UCK2: variants seen among roughly 807,000 people sequenced by gnomAD.
The protein encoded by UCK2 is cytidine monophosphokinase 2.
A neutral mutation model predicts 30.8 loss-of-function variants in UCK2; 6 were observed. The observed-to-expected ratio is 0.19, with a 90% CI of 0.11 to 0.38. The LOEUF (loss-of-function observed/expected upper bound fraction) is 0.38, where lower values mean the gene tolerates loss of function less well. Among genes scored for constraint, UCK2 ranks in the 10% least tolerant of loss-of-function variants. The pLI, the probability that UCK2 is intolerant of heterozygous loss-of-function variation, is 1.00. For missense variants in UCK2, 210 were observed against 339.8 expected (o/e 0.62, Z 3.00); for synonymous variants, 125 against 133.6 (o/e 0.94, Z 0.45).
intron 1 of UCK2, among the ~76,000 whole-genome samples, chr1:165,865,000 TACACACACACACATGC>T (rs1345627477): frequency 6.6e-6 from 1 of 152,014 alleles, no homozygotes; most frequent in African/African-American, 2.4e-5. Context: ...ATTGAGATTT[TACACACACACACATGC>T]ACACACACAC....
In UCK2 at chr1:165,908,927, A is replaced by AGTGAG. The variant is rs1647763935; in HGVS notation, c.*1111_*1115dup. The AGTGAG allele has an allele frequency of 2.0e-5, 3 of 152,398 alleles. No individual in the cohort carries two copies. In the South Asian group the frequency reaches 6.2e-4, roughly 32 times the overall value. The allele number at this position is 152,398 out of a possible 1,614,324, so 9.4% of individuals were successfully genotyped here. On this transcript the variant is annotated 3_prime_UTR_variant, in exon 7 of 7. Coordinates refer to ENST00000367879, the MANE Select transcript of UCK2 (RefSeq NM_012474.5). Reference sequence around the variant, plus strand: ...TAGTTTCCGCTTCCTGGAGGTTTGCAGTGAGGTGAGGAGAGTAACTTTGGT... The same window carrying AGTGAG: ...TAGTTTCCGCTTCCTGGAGGTTTGCAGTGAGGTGAGGTGAGGAGAGTAACTTTGGT...
At chr1:165,894,767 G>A (rs1208398143) in intron 3 of UCK2, among the ~76,000 whole-genome samples, 1 of 152,046 alleles carries the variant, frequency 6.6e-6, no homozygotes, top group Non-Finnish European at 1.5e-5. Context: ...AGCTGAGAAG[G>A]CATCAGGAAG....
rs1041540960 is a variant in UCK2 at position 165,901,899 on chromosome 1, C to A, written c.500-1283C>A. ...CCGAGGCAGAAGGATCACTTGAGCC[C>A]AAGAATTCAAGACTAGCCTGGGCAA... On this transcript the variant is annotated intron_variant, in intron 4 of 6. Transcript: ENST00000367879. Among the ~76,000 whole-genome samples, 19 of 128,926 alleles carry A rather than the reference C, an allele frequency of 1.5e-4. No homozygotes were observed. The Admixed American group carries it at 1.7e-3, about 11-fold the overall frequency. 84.6% of individuals were successfully genotyped at this position (128,926 alleles called of 152,430 possible).
intron 1 of UCK2, among the ~76,000 whole-genome samples, chr1:165,874,747 A>G (rs910067271): frequency 2.0e-5 from 3 of 152,180 alleles, no homozygotes; most frequent in African/African-American, 7.2e-5. Context: ...GGTTGTTAAA[A>G]TGGAAGATTT....
chr1:165,854,480 G>A (rs1388598254), intron 1 of UCK2, among the ~76,000 whole-genome samples: 1 of 152,102 alleles, frequency 6.6e-6, no homozygotes, highest in East Asian at 1.9e-4. Flanking sequence ...CCAACATGTA[G>A]CATAAGGCGC....
At chr1:165,859,326 C>T (rs1163654740) in intron 1 of UCK2, among the ~76,000 whole-genome samples, 2 of 152,150 alleles carry the variant, frequency 1.3e-5, no homozygotes, top group African/African-American at 4.8e-5. Flanking sequence ...TGCACCAGTC[C>T]AGAGCTGTGG....
chr1:165,879,061 A>G lies in UCK2; in HGVS notation c.100-11143A>G, dbSNP rs534018617. 3.9e-5 allele frequency among the ~76,000 whole-genome samples: 6 copies of G among 152,328 alleles called. No homozygotes were observed. The South Asian group carries it at 1.2e-3, about 32-fold the overall frequency. On this transcript the variant is annotated intron_variant, in intron 1 of 6. Coordinates refer to ENST00000367879, the MANE Select transcript of UCK2 (RefSeq NM_012474.5). ...TTTAATTTGCATTTCCCTGATGACA[A>G]TAGATGTGGAACATCTTTCCATATG...
At chr1:165,840,078 C>G (rs1654289984) in intron 1 of UCK2, among the ~76,000 whole-genome samples, 1 of 152,240 alleles carries the variant, frequency 6.6e-6, no homozygotes, top group South Asian at 2.1e-4. Context: ...GCCACCATGC[C>G]CGGCTACTTG....
Position 165,862,790 on chromosome 1 carries a change from C to T in UCK2, c.100-27414C>T, listed in dbSNP as rs953950983. On this transcript the variant is annotated intron_variant, in intron 1 of 6. Coordinates refer to ENST00000367879, the MANE Select transcript of UCK2 (RefSeq NM_012474.5). ...TTGTAAATGAGAATTTTAAAAAGTT[C>T]CCGACACAGAGAGAGAGGCCATCAA... 2.0e-5 allele frequency among the ~76,000 whole-genome samples: 3 copies of T among 152,106 alleles called. No homozygotes were observed. In the South Asian group the frequency reaches 6.2e-4, roughly 32 times the overall value.
intron 1 of UCK2, among the ~76,000 whole-genome samples, chr1:165,837,847 C>T (rs180770941): frequency 6.6e-6 from 1 of 152,274 alleles, no homozygotes; most frequent in Admixed American, 6.5e-5. Context: ...TCATCTCACC[C>T]CTTGAACGTG....
At chr1:165,846,338 C>A (rs1262415223) in intron 1 of UCK2, among the ~76,000 whole-genome samples, 1 of 152,060 alleles carries the variant, frequency 6.6e-6, no homozygotes, top group East Asian at 1.9e-4. Flanking sequence ...ATTTAATGTC[C>A]CTGGATTCCT....
At chr1:165,895,019 A>G (rs1231604685) in intron 3 of UCK2, among the ~76,000 whole-genome samples, 1 of 152,216 alleles carries the variant, frequency 6.6e-6, no homozygotes, top group East Asian at 1.9e-4. Flanking sequence ...AAGACAAAAC[A>G]CAGTGAAAGC....
At chr1:165,882,786 C>T (rs934575781) in intron 1 of UCK2, among the ~76,000 whole-genome samples, 27 of 152,112 alleles carry the variant, frequency 1.8e-4, no homozygotes, top group African/African-American at 6.0e-4. Flanking sequence ...AGCATTTCAG[C>T]GTGTGAATTT....
chr1:165,858,207 C>T (rs1433648851), intron 1 of UCK2, among the ~76,000 whole-genome samples: 3 of 152,084 alleles, frequency 2.0e-5, no homozygotes, highest in Non-Finnish European at 2.9e-5. Flanking sequence ...ACTTTTATCC[C>T]GAGGTGTGAG....
chr1:165,833,568 CTGTT>C (rs535752316), intron 1 of UCK2, among the ~76,000 whole-genome samples: 65 of 152,252 alleles, frequency 4.3e-4, no homozygotes, highest in African/African-American at 1.4e-3. Context: ...GATGCTCACT[CTGTT>C]TGTGGTCACC....
intron 1 of UCK2, among the ~76,000 whole-genome samples, chr1:165,854,837 A>G (rs1467504205): frequency 6.6e-6 from 1 of 152,100 alleles, no homozygotes; most frequent in African/African-American, 2.4e-5. Context: ...CTGGTCCTCT[A>G]AATCTTTCCT....
chr1:165,861,401 G>A (rs1654892775), intron 1 of UCK2, among the ~76,000 whole-genome samples: 1 of 151,842 alleles, frequency 6.6e-6, no homozygotes, highest in South Asian at 2.1e-4. Flanking sequence ...GGCCGAGGCG[G>A]GCGGATCACG....
At chr1:165,840,545 G>A (rs1180442915) in intron 1 of UCK2, among the ~76,000 whole-genome samples, 1 of 152,168 alleles carries the variant, frequency 6.6e-6, no homozygotes, top group Non-Finnish European at 1.5e-5. Flanking sequence ...CTGCTCCCTG[G>A]CATCTGTGCC....
chr1:165,857,341 G>A (rs1440638480), intron 1 of UCK2, among the ~76,000 whole-genome samples: 2 of 152,176 alleles, frequency 1.3e-5, no homozygotes, highest in African/African-American at 4.8e-5. Flanking sequence ...AGCAAACATT[G>A]AGTGTCTGTT....
Sources: allele counts gnomAD v4.1 joint callset (sites outside exome capture counted in the v4.1 genomes callset), GRCh38; gene constraint gnomAD v4.1.1; transcripts MANE v1.5; gene names NCBI Gene and HGNC (gene_info 2026-07-23, HGNC 2026-07-21).